The following EIF2B3 variants were observed in gnomAD, a reference collection of about 807,000 sequenced individuals.
EIF2B3 encodes translation initiation factor eIF2B subunit gamma.
A neutral mutation model predicts 54.1 loss-of-function variants in EIF2B3; 20 were observed. The ratio of observed to expected loss-of-function variants is 0.37; its 90% CI spans 0.26 to 0.54. The LOEUF is 0.54. EIF2B3 is among the 20% of genes least tolerant of loss of function. The pLI, the probability that EIF2B3 is intolerant of heterozygous loss-of-function variation, is 0.86. For missense variants in EIF2B3, 448 were observed against 547.8 expected (o/e 0.82, Z 1.82); for synonymous variants, 153 against 188.1 (o/e 0.81, Z 1.52).
At chr1:44,942,191 A>C (rs1644031230) in intron 3 of EIF2B3, among the ~76,000 whole-genome samples, 1 of 151,176 alleles carries the variant, frequency 6.6e-6, no homozygotes, top group Non-Finnish European at 1.5e-5. Flanking sequence ...CAATCTTATA[A>C]AAATAGCATA....
intron 10 of EIF2B3, among the ~76,000 whole-genome samples, chr1:44,866,556 C>T (rs1654789392): frequency 6.6e-6 from 1 of 151,158 alleles, no homozygotes; most frequent in African/African-American, 2.4e-5. Flanking sequence ...ATGGCTATGA[C>T]AATTTTTTTT....
rs1198932499 is a variant in EIF2B3, at chr1:44,897,382, T to C, written c.629A>G (p.Tyr210Cys). 5 of 1,613,704 alleles carry C rather than the reference T, an allele frequency of 3.1e-6. No individual in the cohort carries two copies. The highest frequency in any genetic ancestry group is 1.7e-5 in the Admixed American group (1 of 59,988). Residue 210 changes from tyrosine to cysteine, a missense_variant, in exon 6 of 12, where the codon TAC becomes TGC. Physicochemically the swap from Tyr to Cys is radical, Grantham distance 194. Around this residue, in one of 3 missense-constraint regions of EIF2B3, gnomAD observed 350 missense variants for 414.2 expected, o/e 0.85. Transcript: ENST00000360403. ...VDAHLYCLKK[Y>C]IVDFLMENGS... ...ATTTTCCATTAGGAAATCCACGATGTATTTTTTCAAACAGTAGAGGTGGGC... is the reference window on the plus strand; with the variant it reads ...ATTTTCCATTAGGAAATCCACGATGCATTTTTTCAAACAGTAGAGGTGGGC...
intron 10 of EIF2B3, among the ~76,000 whole-genome samples, chr1:44,858,056 CT>C (rs1654491659): frequency 6.7e-6 from 1 of 149,010 alleles, no homozygotes; most frequent in Non-Finnish European, 1.5e-5. Flanking sequence ...GATATTCTGA[CT>C]TCACTTCAGT....
At chr1:44,867,976 T>G (rs1244670154) in intron 10 of EIF2B3, among the ~76,000 whole-genome samples, 1 of 151,894 alleles carries the variant, frequency 6.6e-6, no homozygotes, top group Admixed American at 6.6e-5. Context: ...AGGTTGAGGC[T>G]GCAGTAAGTC....
chr1:44,857,881 C>T (rs1303643690), intron 10 of EIF2B3, 74 bp from the exon 11 acceptor site: 32 of 1,435,562 alleles, frequency 2.2e-5, no homozygotes, highest in Non-Finnish European at 3.0e-5. Flanking sequence ...GTTGGGGGTT[C>T]TGGCTCCTCC....
chr1:44,958,719 C>A (rs911376141), intron 3 of EIF2B3: 36 of 1,590,736 alleles, frequency 2.3e-5, no homozygotes, highest in Non-Finnish European at 3.1e-5. Flanking sequence ...AAACAGTACC[C>A]TTTCTGGAAA....
At chr1:44,977,498 T>C (rs1051264682) in intron 3 of EIF2B3, among the ~76,000 whole-genome samples, 2 of 151,382 alleles carry the variant, frequency 1.3e-5, no homozygotes, top group African/African-American at 4.9e-5. Context: ...GGGATCTCAC[T>C]CTGTTGCCCA....
intron 6 of EIF2B3, among the ~76,000 whole-genome samples, chr1:44,882,471 CTCTG>C (rs1341424540): frequency 6.6e-6 from 1 of 151,102 alleles, no homozygotes; most frequent in Non-Finnish European, 1.5e-5. Flanking sequence ...CAGGGTCTCA[CTCTG>C]TCTGTTGCCC....
At chr1:44,868,397 C>CAAAAAAAAAA (rs34094245) in intron 10 of EIF2B3, among the ~76,000 whole-genome samples, 2 of 65,436 alleles carry the variant, frequency 3.1e-5, no homozygotes, top group Non-Finnish European at 5.9e-5. Context: ...GACTCCGTCT[C>CAAAAAAAAAA]AAAAAAAAAA....
rs113196134 is a variant in EIF2B3 at position 44,903,981 on chromosome 1, G to A, written c.567-6537C>T. On this transcript the variant is annotated intron_variant, in intron 5 of 11. Transcript: ENST00000360403. The stretch of plus-strand genomic sequence containing the variant: ...AATCTCAGCTACTCAGGAGGCCAAG[G>A]CAGGAGAATCGCTTGAACCCGGGAG... 5.2e-3 allele frequency among the ~76,000 whole-genome samples: 793 copies of A among 152,282 alleles called. 2 individuals are homozygous for A. The highest frequency in any genetic ancestry group is 8.1e-3 in the East Asian group (42 of 5,190).
intron 5 of EIF2B3, among the ~76,000 whole-genome samples, chr1:44,910,137 A>G (rs984878967): frequency 6.6e-6 from 1 of 152,232 alleles, no homozygotes; most frequent in Non-Finnish European, 1.5e-5. Context: ...TGATTTTCTT[A>G]TTAAATATTT....
chr1:44,984,313 T>C (rs936533212), intron 1 of EIF2B3, among the ~76,000 whole-genome samples: 1 of 152,038 alleles, frequency 6.6e-6, no homozygotes, highest in Non-Finnish European at 1.5e-5. Context: ...GGCAACATGG[T>C]GAGACCCCAT....
At chr1:44,882,138 G>A (rs1655420234) in intron 6 of EIF2B3, among the ~76,000 whole-genome samples, 1 of 152,190 alleles carries the variant, frequency 6.6e-6, no homozygotes, top group Non-Finnish European at 1.5e-5. Flanking sequence ...CATTTACCAA[G>A]CATATGCGAG....
At chr1:44,912,809 A>G (rs1251468650) in intron 5 of EIF2B3, among the ~76,000 whole-genome samples, 2 of 152,182 alleles carry the variant, frequency 1.3e-5, no homozygotes. Context: ...TGAATCTTCC[A>G]CCAAGGCTGA....
At chr1:44,883,814 C>G (rs1308440774) in intron 6 of EIF2B3, among the ~76,000 whole-genome samples, 1 of 152,172 alleles carries the variant, frequency 6.6e-6, no homozygotes, top group Non-Finnish European at 1.5e-5. Flanking sequence ...CAGTAGCAGT[C>G]TAGAAAGTCT....
intron 8 of EIF2B3, among the ~76,000 whole-genome samples, chr1:44,876,922 G>A (rs1006678012): frequency 7.1e-6 from 1 of 141,380 alleles, no homozygotes; most frequent in African/African-American, 2.8e-5. Context: ...TCTGAAACAT[G>A]TGCTGTGTCC....
chr1:44,981,245 C>G, intron 1 of EIF2B3, 68 bp from the exon 2 acceptor site: 1 of 1,541,064 alleles, frequency 6.5e-7, no homozygotes. Flanking sequence ...ACACATACTA[C>G]TAGCCTATTT....
At chr1:44,924,789 A>G (rs914176653) in intron 5 of EIF2B3, among the ~76,000 whole-genome samples, 10 of 152,166 alleles carry the variant, frequency 6.6e-5, no homozygotes, top group Admixed American at 6.6e-4. Context: ...ATGGTTATAC[A>G]GTTGCATAGT....
chr1:44,917,934 C>T (rs1165947961), intron 5 of EIF2B3, among the ~76,000 whole-genome samples: 7 of 150,490 alleles, frequency 4.7e-5, no homozygotes, highest in African/African-American at 1.7e-4. Context: ...CCACCACGCC[C>T]GGCTAATTTT....
Sources: gnomAD v4.1 joint callset for allele counts (sites outside exome capture counted in the v4.1 genomes callset) on GRCh38, gnomAD v4.1.1 for gene constraint, gnomAD v4.1.1 regional missense constraint, MANE v1.5 for transcripts, NCBI Gene and HGNC (gene_info 2026-07-23, HGNC 2026-07-21) for gene names.